DEFB123: variants seen among roughly 807,000 people sequenced by gnomAD.
The protein encoded by DEFB123 is beta-defensin 123.
For missense variants in DEFB123, 71 were observed against 75.0 expected, an observed-to-expected ratio of 0.95 and a Z score of 0.20; for synonymous variants, 22 against 28.3, an observed-to-expected ratio of 0.78 and a Z score of 0.71.
At chr20:31,445,497 A>T (rs1979564965) in intron 1 of DEFB123, among the ~76,000 whole-genome samples, 1 of 151,798 alleles carries the variant, frequency 6.6e-6, no homozygotes, top group Non-Finnish European at 1.5e-5. Context: ...AATCTGGAAG[A>T]TAATGATCTA....
At chr20:31,443,352 G>T (rs1979511709) in intron 1 of DEFB123, among the ~76,000 whole-genome samples, 1 of 152,074 alleles carries the variant, frequency 6.6e-6, no homozygotes, top group African/African-American at 2.4e-5. Context: ...GACCTTCTGG[G>T]TCTATTTTAT....
intron 1 of DEFB123, among the ~76,000 whole-genome samples, chr20:31,447,272 T>G (rs997564957): frequency 1.7e-4 from 26 of 151,856 alleles, no homozygotes; most frequent in Non-Finnish European, 5.9e-5. Flanking sequence ...AAAAAAATAA[T>G]AATAATAAAA....
At chr20:31,446,571 C>T (rs747185399) in intron 1 of DEFB123, among the ~76,000 whole-genome samples, 3 of 152,234 alleles carry the variant, frequency 2.0e-5, no homozygotes, top group Non-Finnish European at 4.4e-5. Flanking sequence ...CGCAGTTTCA[C>T]AGGCTCACAC....
At position 31,450,072 on chromosome 20, in the gene DEFB123, C is replaced by G; in HGVS notation, c.102C>G (p.Tyr34Ter). 6.2e-7 allele frequency: 1 copy of G among 1,612,224 alleles called. No individual in the cohort carries two copies. Among genetic ancestry groups the G allele is most frequent in the Non-Finnish European group, 8.5e-7 (1 of 1,179,226 alleles). The stretch of plus-strand genomic sequence containing the variant: ...GGAATCTTTATGGCAAATGCCGTTA[C>G]AGATGCTCCAAGAAGGAAAGAGTCT... ...RCWNLYGKCR[Y>*]RCSKKERVYV... Residue 34 changes from tyrosine (Y) to a stop codon, truncating the protein, a stop_gained, in exon 2 of 2, where the codon TAC becomes TAG. Transcript: ENST00000376309. LOFTEE classifies it low-confidence loss of function (END_TRUNC).
At chr20:31,449,637 A>ACATGTCTG (rs1979685215) in intron 1 of DEFB123, among the ~76,000 whole-genome samples, 1 of 152,026 alleles carries the variant, frequency 6.6e-6, no homozygotes, top group Admixed American at 6.6e-5. Context: ...GCATAGTGGC[A>ACATGTCTG]CATGTCTGTT....
chr20:31,449,767 C>CAAA (rs59939526), intron 1 of DEFB123, among the ~76,000 whole-genome samples: 700 of 52,412 alleles, frequency 0.013, 38 homozygotes, highest in African/African-American at 0.034. Context: ...AGACTCATCT[C>CAAA]AAAAAAAAAA....
At chr20:31,443,667 C>A (rs566972130) in intron 1 of DEFB123, among the ~76,000 whole-genome samples, 1 of 152,210 alleles carries the variant, frequency 6.6e-6, no homozygotes, top group African/African-American at 2.4e-5. Context: ...ACACGAAAGG[C>A]CTTTGTCCCT....
chr20:31,441,600 G>T (rs1337857923), intron 1 of DEFB123, among the ~76,000 whole-genome samples: 4 of 152,128 alleles, frequency 2.6e-5, no homozygotes, highest in African/African-American at 9.7e-5. Flanking sequence ...AACAGAGAAA[G>T]ACCCTGGTCA....
chr20:31,447,770 A>C (rs1979625914), intron 1 of DEFB123, among the ~76,000 whole-genome samples: 1 of 140,698 alleles, frequency 7.1e-6, no homozygotes. Flanking sequence ...GTGCACACCA[A>C]CACACCCGGC....
chr20:31,445,531 A>G (rs536749444), intron 1 of DEFB123, among the ~76,000 whole-genome samples: 180 of 60,540 alleles, frequency 3.0e-3, no homozygotes, highest in African/African-American at 0.013. Context: ...CCAAATTGTG[A>G]TCAAATAATT....
intron 1 of DEFB123, among the ~76,000 whole-genome samples, chr20:31,449,097 G>C (rs995437406): frequency 2.6e-5 from 4 of 151,720 alleles, no homozygotes; most frequent in Non-Finnish European, 5.9e-5. Context: ...TTACTACTTG[G>C]AGCATATTTA....
At chr20:31,449,767 C>CAAAAAAAAAAA (rs59939526) in intron 1 of DEFB123, among the ~76,000 whole-genome samples, 1 of 52,518 alleles carries the variant, frequency 1.9e-5, no homozygotes, top group African/African-American at 5.4e-5. Flanking sequence ...AGACTCATCT[C>CAAAAAAAAAAA]AAAAAAAAAA....
At chr20:31,446,949 AAAAAAAAAAAAC>A (rs1979600839) in intron 1 of DEFB123, among the ~76,000 whole-genome samples, 1 of 150,846 alleles carries the variant, frequency 6.6e-6, no homozygotes, top group South Asian at 2.1e-4. Flanking sequence ...TCCATCTCAA[AAAAAAAAAAAAC>A]AAAAACAAAA....
intron 1 of DEFB123, among the ~76,000 whole-genome samples, chr20:31,448,766 C>A (rs1328786176): frequency 6.6e-6 from 1 of 152,004 alleles, no homozygotes; most frequent in African/African-American, 2.4e-5. Context: ...GGCTGAAGTG[C>A]GATGGCACGA....
intron 1 of DEFB123, among the ~76,000 whole-genome samples, chr20:31,449,344 C>T (rs1203140749): frequency 5.3e-5 from 8 of 151,934 alleles, no homozygotes; most frequent in African/African-American, 9.7e-5. Flanking sequence ...TCAAGACTGA[C>T]GTTTAAGCTT....
chr20:31,449,995 T>C, intron 1 of DEFB123, 34 bp from the exon 2 acceptor site: 1 of 1,592,110 alleles, frequency 6.3e-7, no homozygotes, highest in Non-Finnish European at 8.5e-7. Flanking sequence ...TTGTTAGGAC[T>C]GATACTGTCT....
At chr20:31,443,642 C>T (rs1600550919) in intron 1 of DEFB123, among the ~76,000 whole-genome samples, 1 of 152,310 alleles carries the variant, frequency 6.6e-6, no homozygotes, top group East Asian at 1.9e-4. Flanking sequence ...AACCAGTAGA[C>T]TGCTAGCAGG....
chr20:31,445,830 C>T (rs1979573965), intron 1 of DEFB123, among the ~76,000 whole-genome samples: 1 of 152,300 alleles, frequency 6.6e-6, no homozygotes, highest in East Asian at 1.9e-4. Context: ...CATGGGCCAC[C>T]GCACCCGGCC....
At chr20:31,442,595 G>C (rs1296082011) in intron 1 of DEFB123, among the ~76,000 whole-genome samples, 4 of 125,376 alleles carry the variant, frequency 3.2e-5, no homozygotes, top group Admixed American at 3.1e-4. Flanking sequence ...AAGGTCATTT[G>C]CTTTTTTTTT....
Sources: allele counts gnomAD v4.1 joint callset (sites outside exome capture counted in the v4.1 genomes callset), GRCh38; gene constraint gnomAD v4.1.1; transcripts MANE v1.5; gene names NCBI Gene and HGNC (gene_info 2026-07-23, HGNC 2026-07-21).